The following TFDP2 variants were observed in gnomAD, a reference collection of about 807,000 sequenced individuals.
TFDP2 encodes transcription factor Dp-2 (E2F dimerization partner 2).
TFDP2 carries 17 observed loss-of-function variants against 59.3 expected under a neutral mutation model. That is an observed-to-expected ratio of 0.29 (90% CI 0.20 to 0.43). The LOEUF (loss-of-function observed/expected upper bound fraction) is 0.43, where lower values mean the gene tolerates loss of function less well. Ranked by LOEUF, TFDP2 falls within the 20% of genes least tolerant of loss-of-function variation. TFDP2 has a pLI of 1.00. For missense variants in TFDP2, 391 were observed against 528.8 expected (o/e 0.74, Z 2.56); for synonymous variants, 180 against 194.7 (o/e 0.92, Z 0.63).
chr3:142,139,163 T>C (rs1314084336), intron 1 of TFDP2, among the ~76,000 whole-genome samples: 1 of 152,190 alleles, frequency 6.6e-6, no homozygotes, highest in Non-Finnish European at 1.5e-5. Flanking sequence ...TTAAAGTCTG[T>C]TTTATCAGAG....
intron 3 of TFDP2, among the ~76,000 whole-genome samples, chr3:142,074,797 A>G (rs1471809087): frequency 6.6e-6 from 1 of 152,228 alleles, no homozygotes; most frequent in Non-Finnish European, 1.5e-5. Context: ...GGTTGCAGTG[A>G]GCCGAGATTG....
intron 3 of TFDP2, among the ~76,000 whole-genome samples, chr3:142,035,876 C>T (rs1368019853): frequency 7.2e-5 from 11 of 152,168 alleles, no homozygotes; most frequent in Non-Finnish European, 1.0e-4. Context: ...ACTGTAAGTC[C>T]AATTAAACCT....
chr3:142,114,200 A>G (rs1163600864), intron 1 of TFDP2, among the ~76,000 whole-genome samples: 1 of 152,156 alleles, frequency 6.6e-6, no homozygotes, highest in Non-Finnish European at 1.5e-5. Context: ...TCCATTTTAT[A>G]GAAGGGAAAA....
At position 141,974,078 on chromosome 3, in the gene TFDP2, G is replaced by C. The variant is rs751335513; in HGVS notation, c.633C>G (p.Thr211=). ...KKEIKWIGLP[T]NSAQECQNLE... is the part of the protein sequence containing the mutation. The stretch of plus-strand genomic sequence containing the variant: ...GATTCTGACATTCCTGAGCAGAATT[G>C]GTAGGCAGGCCAATCCACTTGATTT... Residue 211 remains threonine, a synonymous_variant, in exon 8 of 13, where the codon ACC becomes ACG. Transcript: ENST00000489671. 6.2e-7 allele frequency: 1 copy of C among 1,611,836 alleles called. No individual in the cohort carries two copies. Among genetic ancestry groups the C allele is most frequent in the Admixed American group, 1.7e-5 (1 of 59,580 alleles).
chr3:142,100,290 A>G (rs1235397465), intron 2 of TFDP2, among the ~76,000 whole-genome samples: 2 of 152,240 alleles, frequency 1.3e-5, no homozygotes, highest in Non-Finnish European at 2.9e-5. Flanking sequence ...AGCACTAGTC[A>G]ACATCAGACT....
rs758366326 is a variant in TFDP2 at position 141,970,125 on chromosome 3, C to A, written c.680G>T (p.Arg227Leu). 1 of 1,614,142 alleles carries A rather than the reference C, an allele frequency of 6.2e-7. No individual in the cohort carries two copies. The highest frequency in any genetic ancestry group is 1.7e-5 in the Admixed American group (1 of 60,016). ...CQNLEIEKQR[R>L]IERIKQKRAQ... The stretch of plus-strand genomic sequence containing the variant: ...CCGCTTCTGCTTTATCCGTTCTATC[C>A]GCCTCTGCTTCTCTATCTTTAAAAC... Residue 227 changes from arginine to leucine, a missense_variant, in exon 9 of 13, where the codon CGG (arginine) becomes CTG (leucine). By Grantham distance (102) the Arg-to-Leu change is moderately radical. Transcript: ENST00000489671.
intron 3 of TFDP2, among the ~76,000 whole-genome samples, chr3:142,082,926 A>G (rs576585813): frequency 2.2e-4 from 33 of 152,204 alleles, no homozygotes; most frequent in Non-Finnish European, 4.7e-4. Context: ...CAGGATAGGA[A>G]AAAGTGAAAG....
At chr3:141,959,881 G>A in intron 10 of TFDP2, 41 bp from the exon 11 acceptor site, 1 of 1,603,170 alleles carries the variant, frequency 6.2e-7, no homozygotes, top group Non-Finnish European at 8.5e-7. Flanking sequence ...GGTGGTGCTG[G>A]AGAGGTCTGA....
intron 4 of TFDP2, among the ~76,000 whole-genome samples, chr3:142,004,858 A>G (rs1944090601): frequency 6.6e-6 from 1 of 152,240 alleles, no homozygotes; most frequent in Admixed American, 6.5e-5. Context: ...AATTTAAACA[A>G]TACAAGAGAA....
At chr3:142,044,241 T>TGG (rs1560080669) in intron 3 of TFDP2, 1 of 243,748 alleles carries the variant, frequency 4.1e-6, no homozygotes, top group African/African-American at 2.6e-5. Flanking sequence ...TTTTTTTTTT[T>TGG]TTTTTTTTTT....
At chr3:142,137,605 T>C (rs896061300) in intron 1 of TFDP2, among the ~76,000 whole-genome samples, 4 of 152,226 alleles carry the variant, frequency 2.6e-5, no homozygotes, top group African/African-American at 9.6e-5. Context: ...TTGAATTTTG[T>C]CAAAGGCCTT....
At chr3:141,983,878 C>T (rs935793945) in intron 6 of TFDP2, among the ~76,000 whole-genome samples, 3 of 152,182 alleles carry the variant, frequency 2.0e-5, no homozygotes, top group Admixed American at 1.3e-4. Flanking sequence ...TAAAATGATA[C>T]AGCCACTGTG....
intron 3 of TFDP2, among the ~76,000 whole-genome samples, chr3:142,055,043 T>C (rs1336749096): frequency 6.6e-6 from 1 of 152,204 alleles, no homozygotes; most frequent in African/African-American, 2.4e-5. Flanking sequence ...GGAAAAGTCA[T>C]CACAGAGATA....
chr3:142,018,979 T>C (rs1945368581), intron 3 of TFDP2, among the ~76,000 whole-genome samples: 1 of 145,344 alleles, frequency 6.9e-6, no homozygotes, highest in Non-Finnish European at 1.5e-5. Context: ...AAGAAATACG[T>C]TTATTCTATT....
intron 3 of TFDP2, among the ~76,000 whole-genome samples, chr3:142,019,648 C>A (rs1469018436): frequency 1.8e-4 from 1 of 5,510 alleles, no homozygotes; most frequent in Non-Finnish European, 3.5e-4. Flanking sequence ...ATATTAAACA[C>A]CCCCCCCAAC....
chr3:142,140,874 C>T (rs1245356157), intron 1 of TFDP2, among the ~76,000 whole-genome samples: 8 of 152,204 alleles, frequency 5.3e-5, no homozygotes, highest in Non-Finnish European at 1.0e-4. Flanking sequence ...TGTCCATTCT[C>T]AGAGCTCAAA....
At chr3:142,053,396 T>G (rs879019837) in intron 3 of TFDP2, among the ~76,000 whole-genome samples, 1 of 152,150 alleles carries the variant, frequency 6.6e-6, no homozygotes, top group Non-Finnish European at 1.5e-5. Context: ...GCCACGTGAC[T>G]TGCTGACTCT....
chr3:142,091,318 C>T (rs1272780067), intron 3 of TFDP2, among the ~76,000 whole-genome samples: 1 of 152,148 alleles, frequency 6.6e-6, no homozygotes, highest in Non-Finnish European at 1.5e-5. Context: ...ATCATTCCCA[C>T]AGACTATTAC....
intron 1 of TFDP2, among the ~76,000 whole-genome samples, chr3:142,138,512 C>T (rs1389077878): frequency 6.6e-6 from 1 of 152,106 alleles, no homozygotes; most frequent in East Asian, 1.9e-4. Flanking sequence ...GCATTTAGTG[C>T]TATAAATTTC....
Sources: gnomAD v4.1 joint callset for allele counts (sites outside exome capture counted in the v4.1 genomes callset) on GRCh38, gnomAD v4.1.1 for gene constraint, MANE v1.5 for transcripts, NCBI Gene and HGNC (gene_info 2026-07-23, HGNC 2026-07-21) for gene names.